The following ODAD2 variants were observed in gnomAD, a reference collection of about 807,000 sequenced individuals.
ODAD2 encodes the protein outer dynein arm docking complex subunit 2, also known as outer dynein arm-docking complex subunit 2.
In ODAD2, 89 loss-of-function variants were observed where a neutral mutation model predicts 106.8. The observed-to-expected ratio is 0.83, with a 90% CI of 0.70 to 0.99. The LOEUF is 0.99. Among genes scored for constraint, ODAD2 ranks in the 50% least tolerant of loss-of-function variants. ODAD2 has a pLI of 0.00. For missense variants in ODAD2, 1,168 were observed against 1,238.5 expected, an observed-to-expected ratio of 0.94 and a Z score of 0.85; for synonymous variants, 404 against 436.2, an observed-to-expected ratio of 0.93 and a Z score of 0.92.
intron 16 of ODAD2, 105 bp from the exon 17 acceptor site, chr10:27,907,882 CT>C: frequency 1.2e-6 from 1 of 804,006 alleles, no homozygotes; most frequent in Non-Finnish European, 1.9e-6. Context: ...TGATATTTTG[CT>C]TAGAATTTTT....
At chr10:27,943,968 T>C (rs534254595) in intron 12 of ODAD2, among the ~76,000 whole-genome samples, 2 of 152,208 alleles carry the variant, frequency 1.3e-5, no homozygotes, top group East Asian at 3.9e-4. Flanking sequence ...CAACGTACAA[T>C]AGGTGGTGAC....
chr10:27,854,390 C>G (rs1397318438), intron 19 of ODAD2, among the ~76,000 whole-genome samples: 1 of 152,168 alleles, frequency 6.6e-6, no homozygotes, highest in African/African-American at 2.4e-5. Flanking sequence ...AATGTCCACC[C>G]AATGACTTGT....
intron 19 of ODAD2, among the ~76,000 whole-genome samples, chr10:27,856,667 G>A (rs1839674925): frequency 1.3e-5 from 2 of 152,136 alleles, no homozygotes. Flanking sequence ...CTTAAAATGT[G>A]GCTGGTGCAA....
At chr10:27,909,701 C>T (rs1369606374) in intron 16 of ODAD2, among the ~76,000 whole-genome samples, 1 of 151,568 alleles carries the variant, frequency 6.6e-6, no homozygotes. Flanking sequence ...GCCTGTAGTC[C>T]CAGCTACTCA....
chr10:27,832,076 A>T (rs1289759200), intron 19 of ODAD2, among the ~76,000 whole-genome samples: 1 of 152,250 alleles, frequency 6.6e-6, no homozygotes, highest in African/African-American at 2.4e-5. Context: ...GCTAACACAG[A>T]GGTAACTCAA....
At chr10:27,853,676 C>G (rs1226293735) in intron 19 of ODAD2, among the ~76,000 whole-genome samples, 1 of 152,026 alleles carries the variant, frequency 6.6e-6, no homozygotes, top group East Asian at 1.9e-4. Flanking sequence ...GAGAAAAGAG[C>G]AAACAGTTTT....
At position 27,812,462 on chromosome 10, in the gene ODAD2, C is replaced by G; in HGVS notation, c.*50G>C. ...TTAGGCTTTCTGGCCATGGGAGTGA[C>G]ATGTCCTGTGTCATGTAGAATTTGA... On this transcript the variant is annotated 3_prime_UTR_variant, in exon 20 of 20. Transcript: ENST00000305242. 6.4e-7 allele frequency: 1 copy of G among 1,571,864 alleles called. No homozygotes were observed. The highest frequency in any genetic ancestry group is 2.3e-5 in the East Asian group (1 of 42,658).
At chr10:27,983,820 TA>T (rs1323780449) in intron 6 of ODAD2, 22 bp downstream of exon 6, 7 of 1,610,672 alleles carry the variant, frequency 4.3e-6, no homozygotes, top group African/African-American at 1.3e-5. Context: ...TGGCTTTAGT[TA>T]CGTTTTTAAA....
chr10:27,909,713 G>A (rs1250060080), intron 16 of ODAD2, among the ~76,000 whole-genome samples: 1 of 150,274 alleles, frequency 6.7e-6, no homozygotes, highest in African/African-American at 2.4e-5. Flanking sequence ...AGCTACTCAG[G>A]AGGCTGAGGC....
intron 19 of ODAD2, among the ~76,000 whole-genome samples, chr10:27,858,306 GGAA>G (rs1181591698): frequency 8.5e-5 from 13 of 152,164 alleles, no homozygotes; most frequent in Non-Finnish European, 1.5e-4. Context: ...GAACAGAGTA[GGAA>G]GAAGAGGTCG....
chr10:27,875,685 T>C (rs1841283122), intron 17 of ODAD2, among the ~76,000 whole-genome samples: 1 of 152,186 alleles, frequency 6.6e-6, no homozygotes, highest in Admixed American at 6.5e-5. Flanking sequence ...CTGAGTCTTG[T>C]TGGACAGTGG....
At chr10:27,907,295 AG>A (rs1843668176) in intron 17 of ODAD2, among the ~76,000 whole-genome samples, 1 of 152,158 alleles carries the variant, frequency 6.6e-6, no homozygotes. Context: ...CAATAGAAGC[AG>A]TCATGTCTCC....
chr10:27,850,316 G>C (rs1472721465), intron 19 of ODAD2, among the ~76,000 whole-genome samples: 2 of 151,938 alleles, frequency 1.3e-5, no homozygotes, highest in African/African-American at 2.4e-5. Flanking sequence ...GTGGTGGCAG[G>C]CGCCTGTAGT....
chr10:27,849,887 T>A (rs902736153), intron 19 of ODAD2, among the ~76,000 whole-genome samples: 3 of 152,210 alleles, frequency 2.0e-5, no homozygotes, highest in South Asian at 2.1e-4. Flanking sequence ...TTGTGCATGA[T>A]TCTAATTTGT....
chr10:27,938,845 C>T (rs886996466), intron 14 of ODAD2, among the ~76,000 whole-genome samples: 1 of 152,026 alleles, frequency 6.6e-6, no homozygotes, highest in African/African-American at 2.4e-5. Context: ...AGTGATTCGC[C>T]CATCTCAGCC....
chr10:27,840,921 C>T (rs1358328049), intron 19 of ODAD2, among the ~76,000 whole-genome samples: 1 of 152,148 alleles, frequency 6.6e-6, no homozygotes, highest in Non-Finnish European at 1.5e-5. Context: ...TAAAGCTTCC[C>T]AGTCTTTAAA....
rs557893737 is a variant in ODAD2, at chr10:27,945,025, G to A, written c.1387-63C>T. 13 of 1,576,290 alleles carry A rather than the reference G, an allele frequency of 8.2e-6. No individual in the cohort carries two copies. In the South Asian group the frequency reaches 1.2e-4, roughly 15 times the overall value. On this transcript the variant is annotated intron_variant, in intron 10 of 19. Coordinates refer to ENST00000305242, the MANE Select transcript of ODAD2 (RefSeq NM_018076.5). ...CCGCATTCCCATAGAAATGCACTAA[G>A]TAGTTACGAATCCATGAACTGGAAA...
intron 16 of ODAD2, among the ~76,000 whole-genome samples, chr10:27,928,613 T>C (rs1475572573): frequency 4.6e-5 from 7 of 152,256 alleles, no homozygotes; most frequent in East Asian, 3.9e-4. Context: ...TTATTTGCCA[T>C]TTAAGGCCCC....
intron 10 of ODAD2, chr10:27,959,049 T>C (rs1400628082): frequency 5.4e-6 from 7 of 1,285,132 alleles, no homozygotes; most frequent in African/African-American, 3.1e-5. Context: ...TGAAAGACTA[T>C]GTCTTGGACG....
Sources: allele counts gnomAD v4.1 joint callset (sites outside exome capture counted in the v4.1 genomes callset), GRCh38; gene constraint gnomAD v4.1.1; transcripts MANE v1.5; gene names NCBI Gene and HGNC (gene_info 2026-07-23, HGNC 2026-07-21).